GABRG3: variants seen among roughly 807,000 people sequenced by gnomAD.
GABRG3 encodes the protein gamma-aminobutyric acid type A receptor subunit gamma3, also known as gamma-aminobutyric acid receptor subunit gamma-3.
GABRG3 carries 25 observed loss-of-function variants against 48.8 expected under a neutral mutation model. That is an observed-to-expected ratio of 0.51 (90% CI 0.37 to 0.72). GABRG3 has a LOEUF of 0.72. Ranked by LOEUF, GABRG3 falls within the 30% of genes least tolerant of loss-of-function variation. GABRG3 has a pLI of 0.00. For synonymous variants in GABRG3, 227 were observed against 217.6 expected (o/e 1.04, Z -0.38); for missense variants, 394 against 577.9 (o/e 0.68, Z 3.26).
intron 5 of GABRG3, among the ~76,000 whole-genome samples, chr15:27,458,194 G>A (rs1419047956): frequency 6.6e-6 from 1 of 152,164 alleles, no homozygotes; most frequent in Non-Finnish European, 1.5e-5. Flanking sequence ...CGTGATAAGT[G>A]CGGCCACCAA....
At chr15:27,380,924 C>T (rs1895753694) in intron 5 of GABRG3, among the ~76,000 whole-genome samples, 1 of 151,990 alleles carries the variant, frequency 6.6e-6, no homozygotes, top group South Asian at 2.1e-4. Flanking sequence ...TGCCACCATG[C>T]CCAGCTAATT....
chr15:27,481,301 C>G, intron 6 of GABRG3: 1 of 902,146 alleles, frequency 1.1e-6, no homozygotes, highest in Non-Finnish European at 1.3e-6. Flanking sequence ...TATTCAAAAT[C>G]CTGTAATTAA....
At chr15:27,433,248 C>T (rs1478793737) in intron 5 of GABRG3, among the ~76,000 whole-genome samples, 4 of 152,210 alleles carry the variant, frequency 2.6e-5, no homozygotes, top group Non-Finnish European at 5.9e-5. Context: ...TCATATTACT[C>T]CTGTAACAAA....
chr15:27,021,850 A>G (rs1208785542), intron 2 of GABRG3, among the ~76,000 whole-genome samples: 1 of 152,226 alleles, frequency 6.6e-6, no homozygotes, highest in Non-Finnish European at 1.5e-5. Context: ...CTCAAAATAA[A>G]TAAGTAATAA....
intron 5 of GABRG3, among the ~76,000 whole-genome samples, chr15:27,394,651 T>C (rs938890416): frequency 2.0e-5 from 3 of 152,188 alleles, no homozygotes; most frequent in Non-Finnish European, 4.4e-5. Context: ...TAATGATGGG[T>C]GCTCTCAGTT....
At chr15:27,235,731 T>C (rs1889938640) in intron 3 of GABRG3, among the ~76,000 whole-genome samples, 1 of 152,148 alleles carries the variant, frequency 6.6e-6, no homozygotes, top group Non-Finnish European at 1.5e-5. Context: ...ATCTCAAGGG[T>C]AGAGTTCAAA....
intron 6 of GABRG3, among the ~76,000 whole-genome samples, chr15:27,513,456 A>C (rs1380814524): frequency 2.6e-5 from 4 of 151,772 alleles, no homozygotes; most frequent in Non-Finnish European, 5.9e-5. Context: ...TCTCAAAAAA[A>C]AAGAAAAAAA....
At chr15:27,028,417 C>A (rs573077979) in intron 3 of GABRG3, among the ~76,000 whole-genome samples, 3 of 152,232 alleles carry the variant, frequency 2.0e-5, no homozygotes, top group East Asian at 1.9e-4. Context: ...AGGGTCGGAC[C>A]TCAGCCTTCT....
chr15:27,382,137 T>C (rs1895794756), intron 5 of GABRG3, among the ~76,000 whole-genome samples: 1 of 152,212 alleles, frequency 6.6e-6, no homozygotes, highest in African/African-American at 2.4e-5. Flanking sequence ...CTACACTCCA[T>C]TCACTTCAAA....
chr15:27,109,090 A>T (rs1897500171), intron 3 of GABRG3, among the ~76,000 whole-genome samples: 1 of 152,172 alleles, frequency 6.6e-6, no homozygotes, highest in Non-Finnish European at 1.5e-5. Flanking sequence ...TATTCCTCCG[A>T]TGTTACACAT....
chr15:27,338,320 G>A (rs1332388603), intron 5 of GABRG3, among the ~76,000 whole-genome samples: 1 of 152,138 alleles, frequency 6.6e-6, no homozygotes, highest in Admixed American at 6.5e-5. Flanking sequence ...AAGACCTGTG[G>A]TTGCTCCTTC....
At chr15:27,303,790 ATATC>A (rs1281978078) in intron 3 of GABRG3, among the ~76,000 whole-genome samples, 2 of 151,418 alleles carry the variant, frequency 1.3e-5, no homozygotes, top group Non-Finnish European at 3.0e-5. Flanking sequence ...GTATATACAT[ATATC>A]TATTTGTGTG....
At chr15:27,283,297 T>C (rs1319784346) in intron 3 of GABRG3, among the ~76,000 whole-genome samples, 1 of 152,150 alleles carries the variant, frequency 6.6e-6, no homozygotes, top group African/African-American at 2.4e-5. Context: ...GAGTAGGATG[T>C]CTACTAGAAA....
chr15:27,388,021 A>AG (rs1396238094), intron 5 of GABRG3, among the ~76,000 whole-genome samples: 1 of 98,790 alleles, frequency 1.0e-5, no homozygotes, highest in Non-Finnish European at 2.0e-5. Flanking sequence ...GAAAGGGAGG[A>AG]GGGAGGGAGG....
chr15:27,072,275 G>C lies in GABRG3; in HGVS notation c.270+45454G>C, dbSNP rs149816619. ...TTCTCTCTGTGTCCCCAGTCCACTCGGTAACATTGTGAGGTACATCAACTT... is the reference window on the plus strand; with the variant it reads ...TTCTCTCTGTGTCCCCAGTCCACTCCGTAACATTGTGAGGTACATCAACTT... On this transcript the variant is annotated intron_variant, in intron 3 of 9. Transcript: ENST00000615808. Among the ~76,000 whole-genome samples the C allele has an allele frequency of 1.3e-3, 200 of 152,144 alleles. 3 individuals carry two copies. Among genetic ancestry groups the C allele is most frequent in the Middle Eastern group, 6.8e-3 (2 of 294 alleles).
chr15:27,362,566 G>A (rs532884136), intron 5 of GABRG3: 1 of 152,328 alleles, frequency 6.6e-6, no homozygotes, highest in Admixed American at 6.5e-5. Flanking sequence ...GCCCTTTGAT[G>A]TAGCATTTTG....
chr15:27,145,665 T>TATCTATCTATCTATCTATC (rs57021410), intron 3 of GABRG3, among the ~76,000 whole-genome samples: 31 of 138,444 alleles, frequency 2.2e-4, no homozygotes, highest in African/African-American at 4.7e-4. Context: ...ATCTATCTAT[T>TATCTATCTATCTATCTATC]GTGCCAGAAG....
At chr15:27,247,218 G>A (rs1227300996) in intron 3 of GABRG3, among the ~76,000 whole-genome samples, 1 of 152,020 alleles carries the variant, frequency 6.6e-6, no homozygotes, top group Non-Finnish European at 1.5e-5. Context: ...GAGATTATAG[G>A]CATGAGCCAC....
chr15:27,500,349 C>T (rs1248380684), intron 6 of GABRG3, among the ~76,000 whole-genome samples: 1 of 152,160 alleles, frequency 6.6e-6, no homozygotes, highest in Non-Finnish European at 1.5e-5. Context: ...CAGCCCGAGG[C>T]AGAAGGGGAG....
Sources: allele counts gnomAD v4.1 joint callset (sites outside exome capture counted in the v4.1 genomes callset), GRCh38; gene constraint gnomAD v4.1.1; transcripts MANE v1.5; gene names NCBI Gene and HGNC (gene_info 2026-07-23, HGNC 2026-07-21).